TBL1X: variants seen among roughly 807,000 people sequenced by gnomAD.
TBL1X encodes transducin beta like 1 X-linked.
A neutral mutation model predicts 50.7 loss-of-function variants in TBL1X; 10 were observed. The ratio of observed to expected loss-of-function variants is 0.20; its 90% CI spans 0.12 to 0.33. The LOEUF is 0.33. TBL1X is among the 10% of genes least tolerant of loss of function. The pLI, the probability that TBL1X is intolerant of heterozygous loss-of-function variation, is 1.00. For synonymous variants in TBL1X, 190 were observed against 214.7 expected, an observed-to-expected ratio of 0.88 and a Z score of 1.01; for missense variants, 340 against 504.4, an observed-to-expected ratio of 0.67 and a Z score of 3.12.
intron 2 of TBL1X, among the ~76,000 whole-genome samples, chrX:9,522,069 G>C (rs1302423442): frequency 1.0e-5 from 1 of 99,503 alleles, no homozygotes; most frequent in Non-Finnish European, 2.0e-5. Context: ...CCAGGCTGAA[G>C]TGCAGGGTCG....
chrX:9,490,703 G>A (rs1026715858), intron 1 of TBL1X, among the ~76,000 whole-genome samples: 4 of 111,953 alleles, frequency 3.6e-5, no homozygotes, highest in Non-Finnish European at 5.6e-5. Flanking sequence ...GTGGAGAGGC[G>A]AATTCAAACC....
chrX:9,525,865 C>A (rs56249272), intron 2 of TBL1X, among the ~76,000 whole-genome samples: 17,163 of 109,634 alleles, frequency 0.16, 1,477 homozygotes, highest in African/African-American at 0.31. Context: ...AAAAAAAAAA[C>A]CCCTAATACT....
chrX:9,666,488 T>C (rs1452457664), intron 5 of TBL1X, among the ~76,000 whole-genome samples: 1 of 112,288 alleles, frequency 8.9e-6, no homozygotes, highest in African/African-American at 3.2e-5. Flanking sequence ...CACGTGACTC[T>C]AATCTTTGAA....
At chrX:9,564,996 T>C (rs183411561) in intron 2 of TBL1X, among the ~76,000 whole-genome samples, 1,530 of 109,278 alleles carry the variant, frequency 0.014, 14 homozygotes, top group Non-Finnish European at 0.024. Context: ...ATAGGCTGGG[T>C]GCGGTGGCTC....
intron 12 of TBL1X, 122 bp downstream of exon 12, chrX:9,697,551 T>C: frequency 1.0e-6 from 1 of 990,382 alleles, no homozygotes; most frequent in Non-Finnish European, 1.4e-6. Context: ...GCAGGTGGAT[T>C]GCATGAGGTC....
intron 2 of TBL1X, among the ~76,000 whole-genome samples, chrX:9,580,764 C>T (rs753279229): frequency 9.0e-6 from 1 of 111,331 alleles, no homozygotes; most frequent in Non-Finnish European, 1.9e-5. Context: ...TTTTGATAGG[C>T]CATTGGTTGA....
intron 2 of TBL1X, among the ~76,000 whole-genome samples, chrX:9,611,280 A>G (rs938259230): frequency 3.6e-5 from 4 of 112,465 alleles, no homozygotes; most frequent in African/African-American, 9.7e-5. Flanking sequence ...TCTCCCACCA[A>G]AATAAACATA....
At chrX:9,699,615 G>A (rs897347890) in intron 12 of TBL1X, among the ~76,000 whole-genome samples, 2 of 111,761 alleles carry the variant, frequency 1.8e-5, no homozygotes, top group African/African-American at 3.3e-5. Flanking sequence ...CGGCGCCTGG[G>A]GAGGGCTCCA....
chrX:9,692,273 C>T lies in TBL1X; in HGVS notation c.891+19C>T, dbSNP rs942939027. ...CTGGAATGTAAGCATCTTCCACCCC[C>T]TGGGCACTTTGAAATTGGTAAAATC... On this transcript the variant is annotated intron_variant, in intron 9 of 17. Transcript: ENST00000645353. The T allele has an allele frequency of 3.5e-6, 4 of 1,152,558 alleles. No homozygotes were observed. The highest frequency in any genetic ancestry group is 4.6e-6 in the Non-Finnish European group (4 of 869,845). 95.0% of individuals were successfully genotyped at this position (1,152,558 alleles called of 1,213,427 possible).
At chrX:9,678,733 C>T (rs890545585) in intron 5 of TBL1X, among the ~76,000 whole-genome samples, 1 of 112,322 alleles carries the variant, frequency 8.9e-6, no homozygotes, top group Non-Finnish European at 1.9e-5. Flanking sequence ...ATGAATCAGG[C>T]CAACATTAGC....
At chrX:9,629,437 A>G (rs1048542006) in intron 2 of TBL1X, among the ~76,000 whole-genome samples, 47 of 112,218 alleles carry the variant, frequency 4.2e-4, no homozygotes, top group African/African-American at 1.3e-3. Context: ...TTCTGTTGCC[A>G]TATCTAGGTA....
chrX:9,536,297 C>G (rs918637868), intron 2 of TBL1X, among the ~76,000 whole-genome samples: 2 of 107,635 alleles, frequency 1.9e-5, no homozygotes, highest in African/African-American at 6.8e-5. Flanking sequence ...TGTCACCAGG[C>G]TGGAATGCAG....
intron 2 of TBL1X, among the ~76,000 whole-genome samples, chrX:9,520,037 A>G (rs937447754): frequency 8.0e-5 from 9 of 112,372 alleles, no homozygotes; most frequent in Non-Finnish European, 1.1e-4. Flanking sequence ...GTGTTCTTCA[A>G]TGAGTGTTCT....
chrX:9,640,600 T>C (rs974906296), intron 3 of TBL1X, among the ~76,000 whole-genome samples: 1 of 111,128 alleles, frequency 9.0e-6, no homozygotes, highest in East Asian at 2.8e-4. Flanking sequence ...CTGAGAATTT[T>C]GGGTTGTGTT....
intron 5 of TBL1X, among the ~76,000 whole-genome samples, chrX:9,666,366 G>A (rs1322759380): frequency 1.8e-5 from 2 of 111,279 alleles, no homozygotes; most frequent in African/African-American, 6.5e-5. Context: ...TATATGTGTT[G>A]TGTGTGTGAT....
intron 13 of TBL1X, among the ~76,000 whole-genome samples, chrX:9,706,744 C>T (rs1304310253): frequency 9.0e-6 from 1 of 111,482 alleles, no homozygotes; most frequent in Non-Finnish European, 1.9e-5. Flanking sequence ...CATTTACTAG[C>T]CTCGACCTCC....
chrX:9,496,193 T>A (rs758546192), intron 1 of TBL1X, among the ~76,000 whole-genome samples: 6 of 111,819 alleles, frequency 5.4e-5, no homozygotes, highest in Non-Finnish European at 9.4e-5. Context: ...AGTGTTTAAA[T>A]TGGGGACATG....
At chrX:9,476,860 TTGTA>T (rs1257995876) in intron 1 of TBL1X, among the ~76,000 whole-genome samples, 1 of 112,505 alleles carries the variant, frequency 8.9e-6, no homozygotes, top group African/African-American at 3.2e-5. Context: ...GTTCAGATAA[TTGTA>T]TGTGAAGCTT....
chrX:9,534,671 G>T (rs12116178), intron 2 of TBL1X, among the ~76,000 whole-genome samples: 1,216 of 111,273 alleles, frequency 0.011, 25 homozygotes, highest in African/African-American at 0.038. Flanking sequence ...ATTCTTGGCT[G>T]CCAGTGTTTA....
Sources: gnomAD v4.1 joint callset for allele counts (sites outside exome capture counted in the v4.1 genomes callset) on GRCh38, gnomAD v4.1.1 for gene constraint, MANE v1.5 for transcripts, NCBI Gene and HGNC (gene_info 2026-07-23, HGNC 2026-07-21) for gene names.